The following GMPS variants were observed in gnomAD, a reference collection of about 807,000 sequenced individuals.
The protein encoded by GMPS is GMP synthase [glutamine-hydrolyzing].
In GMPS, 15 loss-of-function variants were observed where a neutral mutation model predicts 77.9. That is an observed-to-expected ratio of 0.19 (90% CI 0.13 to 0.30). The LOEUF (loss-of-function observed/expected upper bound fraction) is 0.30. Among genes scored for constraint, GMPS ranks in the 10% least tolerant of loss-of-function variants. The probability of loss-of-function intolerance (pLI) is 1.00; values close to 1 mark genes in which losing one functional copy is unlikely to be tolerated. For synonymous variants in GMPS, 224 were observed against 275.9 expected, an observed-to-expected ratio of 0.81 and a Z score of 1.86; for missense variants, 590 against 838.8, an observed-to-expected ratio of 0.70 and a Z score of 3.66.
At chr3:155,877,508 A>G (rs887387407) in intron 1 of GMPS, among the ~76,000 whole-genome samples, 6 of 152,024 alleles carry the variant, frequency 3.9e-5, no homozygotes, top group African/African-American at 1.4e-4. Context: ...CCTCCCAAAA[A>G]AAAACCTCTA....
At chr3:155,883,094 CAG>C (rs1321539907) in intron 1 of GMPS, among the ~76,000 whole-genome samples, 2 of 152,228 alleles carry the variant, frequency 1.3e-5, no homozygotes, top group African/African-American at 2.4e-5. Context: ...CTGTTTGAGA[CAG>C]AGTCTCACTC....
intron 1 of GMPS, among the ~76,000 whole-genome samples, chr3:155,871,346 A>G (rs1400962068): frequency 2.0e-5 from 3 of 152,036 alleles, no homozygotes; most frequent in African/African-American, 7.2e-5. Flanking sequence ...AAGGCAGGGC[A>G]GGGTCGGGGC....
chr3:155,927,725 T>G (rs1422239509), intron 12 of GMPS, among the ~76,000 whole-genome samples: 1 of 152,146 alleles, frequency 6.6e-6, no homozygotes, highest in African/African-American at 2.4e-5. Context: ...TACTCTCCAG[T>G]TAAGTTTTGT....
At chr3:155,924,347 G>A (rs1222578329) in intron 11 of GMPS, among the ~76,000 whole-genome samples, 8 of 152,160 alleles carry the variant, frequency 5.3e-5, no homozygotes, top group African/African-American at 1.9e-4. Flanking sequence ...GAGAGTAGAG[G>A]TAAAAATGAT....
At chr3:155,907,780 A>G (rs192469291) in intron 5 of GMPS, among the ~76,000 whole-genome samples, 4 of 152,334 alleles carry the variant, frequency 2.6e-5, no homozygotes. Context: ...CTATTCAGGG[A>G]AGGCATTCCT....
At chr3:155,889,291 C>T (rs1377156399) in intron 1 of GMPS, among the ~76,000 whole-genome samples, 1 of 152,122 alleles carries the variant, frequency 6.6e-6, no homozygotes, top group Admixed American at 6.6e-5. Context: ...AGCAGTGGCT[C>T]TTCATAGCAG....
intron 1 of GMPS, among the ~76,000 whole-genome samples, chr3:155,887,471 AT>A: frequency 6.6e-6 from 1 of 152,318 alleles, no homozygotes. Context: ...AGTGTGGGAC[AT>A]TCTACAAAAA....
intron 12 of GMPS, among the ~76,000 whole-genome samples, chr3:155,930,094 A>G (rs1247437068): frequency 1.4e-5 from 2 of 145,776 alleles, no homozygotes; most frequent in Non-Finnish European, 1.5e-5. Context: ...GCATCACACT[A>G]CCTGACTTCA....
intron 9 of GMPS, 60 bp downstream of exon 9, chr3:155,916,252 C>T (rs1755177284): frequency 3.1e-6 from 3 of 973,418 alleles, no homozygotes; most frequent in Admixed American, 1.9e-5. Context: ...CCATTCTTCC[C>T]TCCTCTTCCC....
chr3:155,930,051 A>T (rs1365323818), intron 12 of GMPS, among the ~76,000 whole-genome samples: 1 of 148,048 alleles, frequency 6.8e-6, no homozygotes, highest in African/African-American at 2.5e-5. Context: ...CGCATCGCCA[A>T]GTCAATCCTA....
chr3:155,923,688 A>G (rs1372934869), intron 11 of GMPS, among the ~76,000 whole-genome samples: 1 of 152,228 alleles, frequency 6.6e-6, no homozygotes, highest in Non-Finnish European at 1.5e-5. Context: ...AATAGAATTT[A>G]CTACCAACAG....
At position 155,904,392 on chromosome 3, in the gene GMPS, C is replaced by T. The variant is rs544577836; in HGVS notation, c.422+432C>T. 4.0e-5 allele frequency among the ~76,000 whole-genome samples: 6 copies of T among 151,804 alleles called. No individual in the cohort carries two copies. In the East Asian group the frequency reaches 7.8e-4, roughly 20 times the overall value. ...GCAACGTCCGCCTCCTGGGTTCAAG[C>T]GATTCTTCTGCCTCAGCCTCCCGAG... On this transcript the variant is annotated intron_variant, in intron 4 of 15. Transcript: ENST00000496455.
At chr3:155,923,191 ATAATC>A (rs945269283) in intron 11 of GMPS, among the ~76,000 whole-genome samples, 1 of 152,146 alleles carries the variant, frequency 6.6e-6, no homozygotes, top group African/African-American at 2.4e-5. Context: ...AGATTTGAAA[ATAATC>A]TAAGTTCTGG....
chr3:155,925,380 A>G lies in GMPS; in HGVS notation c.1560+14A>G. 1.3e-6 allele frequency: 2 copies of G among 1,579,282 alleles called. 1 individual carries two copies. Among genetic ancestry groups the G allele is most frequent in the South Asian group, 2.3e-5 (2 of 85,754 alleles). On this transcript the variant is annotated intron_variant, in intron 12 of 15. Transcript: ENST00000496455. The stretch of plus-strand genomic sequence containing the variant: ...GTAGGTGTGCAGGTGAGTTGTGTGA[A>G]TTCATTCACCAGTGATATACTTTTT...
chr3:155,921,002 G>C (rs1238011338), intron 10 of GMPS, among the ~76,000 whole-genome samples: 1 of 152,172 alleles, frequency 6.6e-6, no homozygotes, highest in Admixed American at 6.5e-5. Flanking sequence ...AGCACTTTGG[G>C]AGGCCTAGGC....
chr3:155,898,649 A>C (rs781288988), intron 3 of GMPS, among the ~76,000 whole-genome samples: 14 of 152,100 alleles, frequency 9.2e-5, no homozygotes, highest in Non-Finnish European at 4.4e-5. Flanking sequence ...CTTCTCTTTC[A>C]TGAGCTTGAA....
chr3:155,901,390 T>G (rs1313778628), intron 3 of GMPS, among the ~76,000 whole-genome samples: 5 of 152,188 alleles, frequency 3.3e-5, no homozygotes, highest in African/African-American at 1.2e-4. Flanking sequence ...AGCATGTTAC[T>G]TTTACATTCC....
intron 3 of GMPS, 78 bp from the exon 4 acceptor site, chr3:155,903,785 A>G: frequency 6.7e-6 from 4 of 596,308 alleles, no homozygotes; most frequent in South Asian, 2.6e-5. Flanking sequence ...AAGAAATAAT[A>G]TAAATTATTA....
At chr3:155,892,311 G>T (rs1196833581) in intron 1 of GMPS, among the ~76,000 whole-genome samples, 2 of 151,526 alleles carry the variant, frequency 1.3e-5, no homozygotes, top group East Asian at 1.9e-4. Context: ...GGATTTCCAG[G>T]GTACACACAA....
Sources: gnomAD v4.1 joint callset for allele counts (sites outside exome capture counted in the v4.1 genomes callset) on GRCh38, gnomAD v4.1.1 for gene constraint, MANE v1.5 for transcripts, NCBI Gene and HGNC (gene_info 2026-07-23, HGNC 2026-07-21) for gene names.